PLEKHA7: variants seen among roughly 807,000 people sequenced by gnomAD.
The protein encoded by PLEKHA7 is pleckstrin homology domain-containing family A member 7.
In PLEKHA7, 104 loss-of-function variants were observed where a neutral mutation model predicts 170.0. The observed-to-expected ratio is 0.61, with a 90% CI of 0.52 to 0.72. The LOEUF (loss-of-function observed/expected upper bound fraction) is 0.72, where lower values mean the gene tolerates loss of function less well. Among genes scored for constraint, PLEKHA7 ranks in the 30% least tolerant of loss-of-function variants. The pLI is 0.00. For synonymous variants in PLEKHA7, 648 were observed against 660.8 expected, an observed-to-expected ratio of 0.98 and a Z score of 0.30; for missense variants, 1,615 against 1,671.7, an observed-to-expected ratio of 0.97 and a Z score of 0.59.
chr11:16,976,057 C>A (rs1863042941), intron 3 of PLEKHA7, among the ~76,000 whole-genome samples: 1 of 152,184 alleles, frequency 6.6e-6, no homozygotes, highest in African/African-American at 2.4e-5. Context: ...TCAGCCCTTG[C>A]CAGGCATAGG....
chr11:16,817,350 G>C lies in PLEKHA7; in HGVS notation c.1344-28C>G. ...GAGGAGAAAGGGTAAGAACGGGTCAGGCAACCAAGCGAGGGTTCTGCAGGC... is the reference window on the plus strand; with the variant it reads ...GAGGAGAAAGGGTAAGAACGGGTCACGCAACCAAGCGAGGGTTCTGCAGGC... On this transcript the variant is annotated intron_variant, in intron 10 of 26. Transcript: ENST00000531066. This position sits in a 1 kb window ranked among gnomAD's most constrained non-coding sequence, Gnocchi z 4.4. 1 of 1,572,544 alleles carries C rather than the reference G, an allele frequency of 6.4e-7. No individual in the cohort carries two copies. Among genetic ancestry groups the C allele is most frequent in the Non-Finnish European group, 8.6e-7 (1 of 1,162,752 alleles).
intron 3 of PLEKHA7, among the ~76,000 whole-genome samples, chr11:16,968,508 G>C (rs1238740214): frequency 6.6e-6 from 1 of 152,160 alleles, no homozygotes; most frequent in Non-Finnish European, 1.5e-5. Flanking sequence ...TTGTCCAACT[G>C]TTTCTGCCAG....
intron 4 of PLEKHA7, among the ~76,000 whole-genome samples, chr11:16,870,252 T>C (rs1854720687): frequency 6.6e-6 from 1 of 152,076 alleles, no homozygotes. Context: ...GAGGCTTCCC[T>C]GGGAGGCTGA....
At chr11:16,816,755 C>CA in intron 11 of PLEKHA7, 45 bp downstream of exon 11, 1 of 1,590,392 alleles carries the variant, frequency 6.3e-7, no homozygotes, top group South Asian at 1.1e-5. Flanking sequence ...GCTCCTGGCG[C>CA]CCTCATGATG....
At chr11:16,987,327 C>T (rs571175001) in intron 3 of PLEKHA7, among the ~76,000 whole-genome samples, 10 of 150,936 alleles carry the variant, frequency 6.6e-5, no homozygotes, top group African/African-American at 2.4e-4. Context: ...GCTAGGCCAA[C>T]CTTGGCCTTG....
chr11:16,986,084 T>C (rs1863708211), intron 3 of PLEKHA7, among the ~76,000 whole-genome samples: 1 of 152,200 alleles, frequency 6.6e-6, no homozygotes, highest in Non-Finnish European at 1.5e-5. Context: ...AAGAGAGTGC[T>C]ACAGCTTATG....
At chr11:16,936,420 A>AAAAAAAAAAAAAAC in intron 3 of PLEKHA7, among the ~76,000 whole-genome samples, 2 of 145,044 alleles carry the variant, frequency 1.4e-5, no homozygotes, top group Non-Finnish European at 3.0e-5. Flanking sequence ...AAAAAAAAAA[A>AAAAAAAAAAAAAAC]AAAAAATCAG....
chr11:16,985,757 G>A (rs895375143), intron 3 of PLEKHA7, among the ~76,000 whole-genome samples: 3 of 152,218 alleles, frequency 2.0e-5, no homozygotes, highest in Non-Finnish European at 1.5e-5. Context: ...GAGACAGAGA[G>A]ACATTACACA....
At chr11:16,946,277 AC>A (rs1340611648) in intron 3 of PLEKHA7, among the ~76,000 whole-genome samples, 1 of 152,172 alleles carries the variant, frequency 6.6e-6, no homozygotes, top group Non-Finnish European at 1.5e-5. Context: ...TTCTCCCAGC[AC>A]CTTCTCCCAA....
chr11:16,886,956 A>G (rs1856156063), intron 3 of PLEKHA7, among the ~76,000 whole-genome samples: 2 of 152,170 alleles, frequency 1.3e-5, no homozygotes, highest in Non-Finnish European at 2.9e-5. Flanking sequence ...CAAAAGATGA[A>G]CAAAATAACA....
At chr11:16,885,647 A>G (rs1590465712) in intron 3 of PLEKHA7, among the ~76,000 whole-genome samples, 1 of 152,216 alleles carries the variant, frequency 6.6e-6, no homozygotes, top group East Asian at 1.9e-4. Flanking sequence ...TTAAAAAAAA[A>G]AAATTATTCC....
At chr11:16,802,616 C>T (rs1399633978) in intron 15 of PLEKHA7, among the ~76,000 whole-genome samples, 3 of 151,950 alleles carry the variant, frequency 2.0e-5, no homozygotes, top group East Asian at 1.9e-4. Context: ...GGCGTGATCT[C>T]GGCTCACTGC....
intron 3 of PLEKHA7, 38 bp downstream of exon 3, chr11:17,013,950 CG>C: frequency 1.3e-6 from 2 of 1,510,386 alleles, no homozygotes; most frequent in Middle Eastern, 2.3e-4. Flanking sequence ...ACCCCCCCCC[CG>C]CGGCACAGGT....
intron 3 of PLEKHA7, among the ~76,000 whole-genome samples, chr11:16,937,083 G>T (rs1001326651): frequency 6.6e-6 from 1 of 152,128 alleles, no homozygotes; most frequent in Admixed American, 6.5e-5. Flanking sequence ...ACCTGGAGTC[G>T]TTGTTATTAA....
At chr11:17,013,872 C>A (rs565389079) in intron 3 of PLEKHA7, 117 bp downstream of exon 3, 117 of 1,185,388 alleles carry the variant, frequency 9.9e-5, no homozygotes, top group Non-Finnish European at 1.2e-4. Context: ...CGCGGCGCAG[C>A]GCGCGCCAAC....
intron 3 of PLEKHA7, among the ~76,000 whole-genome samples, chr11:16,987,285 A>T (rs141613296): frequency 8.9e-6 from 1 of 112,358 alleles, no homozygotes; most frequent in Non-Finnish European, 1.7e-5. Flanking sequence ...CCTGGTGGCC[A>T]GCCAAGGCCT....
chr11:16,781,325 C>T (rs1245746454), intron 26 of PLEKHA7: 1 of 152,422 alleles, frequency 6.6e-6, no homozygotes, highest in Non-Finnish European at 1.5e-5. Flanking sequence ...GGAAGAAAGG[C>T]CCTGGGAACT....
At position 16,961,530 on chromosome 11, in the gene PLEKHA7, A is replaced by G. The variant is rs148133027; in HGVS notation, c.221+52459T>C. ...AGTGGCCCAGAAAAGAGGCCCTCCAACCCTGCACCCACCCCTGGCTGTGCC... is the reference window on the plus strand; with the variant it reads ...AGTGGCCCAGAAAAGAGGCCCTCCAGCCCTGCACCCACCCCTGGCTGTGCC... On this transcript the variant is annotated intron_variant, in intron 3 of 26. Coordinates refer to ENST00000531066, the MANE Select transcript of PLEKHA7 (RefSeq NM_001329630.2). Among the ~76,000 whole-genome samples, 1,263 of 152,228 alleles carry G rather than the reference A, an allele frequency of 8.3e-3. 21 individuals carry two copies. The highest frequency in any genetic ancestry group is 0.029 in the African/African-American group (1,193 of 41,544).
intron 9 of PLEKHA7, among the ~76,000 whole-genome samples, chr11:16,828,418 A>G (rs772640052): frequency 6.6e-6 from 1 of 152,204 alleles, no homozygotes; most frequent in Non-Finnish European, 1.5e-5. Context: ...CTCCCCAGCC[A>G]TGTGGAACTG....
Sources: allele counts gnomAD v4.1 joint callset (sites outside exome capture counted in the v4.1 genomes callset), GRCh38; gene constraint gnomAD v4.1.1; non-coding constraint Gnocchi (gnomAD v3.1); transcripts MANE v1.5; gene names NCBI Gene and HGNC (gene_info 2026-07-23, HGNC 2026-07-21).